The following SLC6A6 variants were observed in gnomAD, a reference collection of about 807,000 sequenced individuals.
SLC6A6 encodes the protein sodium- and chloride-dependent taurine transporter.
Under a neutral mutation model 68.8 loss-of-function variants are expected in SLC6A6, and 16 were observed. The observed-to-expected ratio is 0.23, with a 90% CI of 0.16 to 0.35. The LOEUF (loss-of-function observed/expected upper bound fraction) is 0.35. Among genes scored for constraint, SLC6A6 ranks in the 10% least tolerant of loss-of-function variants. SLC6A6 has a pLI of 1.00. For missense variants in SLC6A6, 474 were observed against 802.8 expected, an observed-to-expected ratio of 0.59 and a Z score of 4.95; for synonymous variants, 312 against 315.4, an observed-to-expected ratio of 0.99 and a Z score of 0.12.
chr3:14,409,656 G>A (rs1699195382), intron 1 of SLC6A6, among the ~76,000 whole-genome samples: 1 of 152,234 alleles, frequency 6.6e-6, no homozygotes, highest in South Asian at 2.1e-4. Context: ...AGGGAGGGGA[G>A]ATCCCTATCA....
rs367703038 is a variant in SLC6A6, at chr3:14,484,984, A to G, written c.1840A>G (p.Ile614Val). ...MNGALVKPTH[I>V]IVETMM The stretch of plus-strand genomic sequence containing the variant: ...CGGCGCTCTCGTGAAACCGACCCAC[A>G]TCATTGTGGAGACCATGATGTGAGC... Residue 614 changes from isoleucine (I) to valine (V), a missense_variant, in exon 15 of 15, where the codon ATC (isoleucine) becomes GTC (valine). By Grantham distance (29) the Ile-to-Val change is conservative. Transcript: ENST00000622186. 30 of 1,612,840 alleles carry G rather than the reference A, an allele frequency of 1.9e-5. No homozygotes were observed. Among genetic ancestry groups the G allele is most frequent in the African/African-American group, 4.0e-5 (3 of 74,932 alleles).
Position 14,484,878 on chromosome 3 carries a change from C to T in SLC6A6, c.1734C>T (p.Tyr578=), listed in dbSNP as rs1324581997. Residue 578 remains tyrosine (Y), a synonymous_variant, in exon 15 of 15, where the codon TAC becomes TAT. Coordinates refer to ENST00000622186, the MANE Select transcript of SLC6A6 (RefSeq NM_003043.6). ...TCATCCTTCTCCAGAGAGTCAAGTA[C>T]CTGCTGACCCCAAGGGAACCCAACC... ...TEGPFLVRVK[Y]LLTPREPNRW... 2 of 1,611,874 alleles carry T rather than the reference C, an allele frequency of 1.2e-6. No homozygotes were observed. Among genetic ancestry groups the T allele is most frequent in the African/African-American group, 2.7e-5 (2 of 74,840 alleles).
intron 2 of SLC6A6, among the ~76,000 whole-genome samples, chr3:14,440,501 G>C (rs1459820586): frequency 1.3e-5 from 2 of 152,110 alleles, no homozygotes; most frequent in African/African-American, 4.8e-5. Flanking sequence ...GGGACCTGGT[G>C]GGCAATGGTG....
At chr3:14,447,889 T>TC (rs1325261105) in intron 5 of SLC6A6, 73 bp downstream of exon 5, 5 of 1,571,962 alleles carry the variant, frequency 3.2e-6, no homozygotes, top group Non-Finnish European at 4.3e-6. Context: ...CCTTATCTCC[T>TC]CCCCTGGGAT....
At chr3:14,458,389 C>T (rs539973872) in intron 6 of SLC6A6, among the ~76,000 whole-genome samples, 35 of 152,382 alleles carry the variant, frequency 2.3e-4, no homozygotes, top group African/African-American at 4.6e-4. Context: ...CCATCCACCA[C>T]AGCTTTCTCA....
At chr3:14,456,315 T>A (rs1195541574) in intron 5 of SLC6A6, among the ~76,000 whole-genome samples, 1 of 152,262 alleles carries the variant, frequency 6.6e-6, no homozygotes, top group Admixed American at 6.5e-5. Context: ...AAAGCTGTCC[T>A]GTCTTATGGC....
intron 2 of SLC6A6, among the ~76,000 whole-genome samples, chr3:14,438,218 G>GA (rs1699904142): frequency 6.8e-6 from 1 of 147,026 alleles, no homozygotes; most frequent in South Asian, 2.1e-4. Flanking sequence ...CAATGTGGCT[G>GA]TTTTTTTTTT....
chr3:14,439,823 G>A (rs1401988723), intron 2 of SLC6A6, among the ~76,000 whole-genome samples: 3 of 152,110 alleles, frequency 2.0e-5, no homozygotes, highest in East Asian at 1.9e-4. Flanking sequence ...GAGATACTCC[G>A]GGGACTCCCT....
At chr3:14,448,306 C>A in intron 5 of SLC6A6, 1 of 175,428 alleles carries the variant, frequency 5.7e-6, no homozygotes, top group Non-Finnish European at 1.2e-5. Flanking sequence ...TAAACAACAA[C>A]AATTTATTTA....
chr3:14,425,948 A>G (rs916838340), intron 2 of SLC6A6, among the ~76,000 whole-genome samples: 6 of 14,910 alleles, frequency 4.0e-4, no homozygotes, highest in African/African-American at 2.0e-3. Context: ...TATGAGTATA[A>G]TTAAATGGGA....
intron 5 of SLC6A6, 185 bp downstream of exon 5, chr3:14,448,001 T>C (rs1700169174): frequency 7.2e-7 from 1 of 1,396,644 alleles, no homozygotes; most frequent in Non-Finnish European, 9.4e-7. Flanking sequence ...TTCTGCCACT[T>C]ACTGGCTGTT....
chr3:14,417,966 C>T (rs1699403447), intron 2 of SLC6A6, among the ~76,000 whole-genome samples: 2 of 152,178 alleles, frequency 1.3e-5, no homozygotes, highest in Admixed American at 1.3e-4. Context: ...ACATTGCCTG[C>T]TCTAGGGGCT....
chr3:14,412,426 T>C (rs976771265), intron 1 of SLC6A6, among the ~76,000 whole-genome samples: 1 of 152,204 alleles, frequency 6.6e-6, no homozygotes, highest in African/African-American at 2.4e-5. Context: ...ACGCCTGTAA[T>C]CCCAGTATTT....
At chr3:14,457,898 CT>C in intron 5 of SLC6A6, 51 bp from the exon 6 acceptor site, 1 of 1,601,274 alleles carries the variant, frequency 6.2e-7, no homozygotes, top group East Asian at 2.2e-5. Context: ...TTGGCTCTCT[CT>C]ACTCCAGGGC....
At chr3:14,429,735 G>T (rs1259039055) in intron 2 of SLC6A6, among the ~76,000 whole-genome samples, 1 of 152,176 alleles carries the variant, frequency 6.6e-6, no homozygotes, top group Non-Finnish European at 1.5e-5. Context: ...TGCATTTTTA[G>T]CCAGTGTCTC....
intron 1 of SLC6A6, among the ~76,000 whole-genome samples, chr3:14,408,009 A>G (rs568799170): frequency 1.3e-5 from 2 of 151,642 alleles, no homozygotes; most frequent in East Asian, 1.9e-4. Context: ...CAATGCGTTC[A>G]TCCATGCTGT....
At position 14,488,792 on chromosome 3, in the gene SLC6A6, A is replaced by T. The variant is rs1701248085; in HGVS notation, c.*3785A>T. 1.3e-5 allele frequency: 2 copies of T among 152,654 alleles called. No homozygotes were observed. The highest frequency in any genetic ancestry group is 1.3e-4 in the Admixed American group (2 of 15,288). 9.5% of individuals were successfully genotyped at this position (152,654 alleles called of 1,614,324 possible). A position where few individuals can be genotyped will look rare whatever the true frequency, so the allele number is the denominator to read the frequency against. ...TGATCCTCAGAATATATATTGTTGT[A>T]ATAGGAAGCATTTTTGCATTGTTCT... On this transcript the variant is annotated 3_prime_UTR_variant, in exon 15 of 15. Coordinates refer to ENST00000622186, the MANE Select transcript of SLC6A6 (RefSeq NM_003043.6).
At chr3:14,451,621 TG>T (rs1294383115) in intron 5 of SLC6A6, among the ~76,000 whole-genome samples, 1 of 152,142 alleles carries the variant, frequency 6.6e-6, no homozygotes, top group Non-Finnish European at 1.5e-5. Context: ...GAATTGAATG[TG>T]ATTTTTGGAC....
At chr3:14,409,598 G>A (rs1047584840) in intron 1 of SLC6A6, among the ~76,000 whole-genome samples, 1 of 152,256 alleles carries the variant, frequency 6.6e-6, no homozygotes, top group Admixed American at 6.5e-5. Flanking sequence ...CAGGCACAGG[G>A]CCAGGGCCAA....
Sources: allele counts gnomAD v4.1 joint callset (sites outside exome capture counted in the v4.1 genomes callset), GRCh38; gene constraint gnomAD v4.1.1; transcripts MANE v1.5; gene names NCBI Gene and HGNC (gene_info 2026-07-23, HGNC 2026-07-21).